The following P4HA3 variants were observed in gnomAD, a reference collection of about 807,000 sequenced individuals.
P4HA3 encodes the protein prolyl 4-hydroxylase subunit alpha-3.
In P4HA3, 60 loss-of-function variants were observed where a neutral mutation model predicts 66.7. The observed-to-expected ratio is 0.90, with a 90% confidence interval of 0.73 to 1.12. The LOEUF (loss-of-function observed/expected upper bound fraction) is 1.12. Ranked by LOEUF, P4HA3 falls within the 50% of genes most tolerant of loss-of-function variation. P4HA3 has a pLI of 0.00. For synonymous variants in P4HA3, 263 were observed against 274.6 expected, an observed-to-expected ratio of 0.96 and a Z score of 0.42; for missense variants, 683 against 685.8, an observed-to-expected ratio of 1.00 and a Z score of 0.05.
At chr11:74,273,688 T>C (rs1458866753) in intron 9 of P4HA3, 81 bp from the exon 10 acceptor site, 4 of 1,143,794 alleles carry the variant, frequency 3.5e-6, no homozygotes, top group East Asian at 2.8e-5. Flanking sequence ...TTAATACAAA[T>C]AGAAGTAAAA....
intron 3 of P4HA3, among the ~76,000 whole-genome samples, 170 bp from the exon 4 acceptor site, chr11:74,298,531 G>A (rs749641156): frequency 5.3e-5 from 8 of 152,176 alleles, no homozygotes; most frequent in Non-Finnish European, 7.3e-5. Context: ...ATTGTACTAC[G>A]TGGAGAGGAG....
chr11:74,304,214 C>G, intron 2 of P4HA3, 56 bp downstream of exon 2: 1 of 1,586,130 alleles, frequency 6.3e-7, no homozygotes. Context: ...CTCTCCTTAC[C>G]ACCGAGTCAG....
At chr11:74,255,132 C>T (rs1356864522) in intron 15 of P4HA3, among the ~76,000 whole-genome samples, 1 of 152,214 alleles carries the variant, frequency 6.6e-6, no homozygotes, top group Non-Finnish European at 1.5e-5. Context: ...CTGAATCCAC[C>T]TTCCCCCGGA....
intron 4 of P4HA3, among the ~76,000 whole-genome samples, chr11:74,289,347 A>C (rs1174198869): frequency 6.6e-6 from 1 of 152,166 alleles, no homozygotes; most frequent in African/African-American, 2.4e-5. Flanking sequence ...ATGACTTATG[A>C]CCACCCTTAC....
Position 74,269,643 on chromosome 11 carries a change from C to A in P4HA3, c.1467+9G>T. On this transcript the variant is annotated intron_variant, in intron 11 of 12. Coordinates refer to ENST00000331597, the MANE Select transcript of P4HA3 (RefSeq NM_182904.5). Reference sequence around the variant, plus strand: ...CAACCCCGTCTTCTGGGACCAGGGCCCCACTCACCCTAACCACAGGCACGC... The same window carrying A: ...CAACCCCGTCTTCTGGGACCAGGGCACCACTCACCCTAACCACAGGCACGC... 3 of 1,611,816 alleles carry A rather than the reference C, an allele frequency of 1.9e-6. No individual in the cohort carries two copies. The highest frequency in any genetic ancestry group is 2.5e-6 in the Non-Finnish European group (3 of 1,178,702).
chr11:74,301,759 G>A (rs1308669362), intron 3 of P4HA3, among the ~76,000 whole-genome samples: 3 of 152,246 alleles, frequency 2.0e-5, no homozygotes, highest in South Asian at 2.1e-4. Flanking sequence ...GATGGGGGGC[G>A]GGGGTGTTCC....
At chr11:74,294,999 C>T (rs1447487315) in intron 4 of P4HA3, among the ~76,000 whole-genome samples, 2 of 152,128 alleles carry the variant, frequency 1.3e-5, no homozygotes, top group East Asian at 3.9e-4. Flanking sequence ...AATCACCCGT[C>T]TTTTGTGTCA....
chr11:74,281,038 A>G (rs1042895108), intron 7 of P4HA3, among the ~76,000 whole-genome samples: 1 of 152,156 alleles, frequency 6.6e-6, no homozygotes, highest in African/African-American at 2.4e-5. Context: ...CAAGAAAAAA[A>G]CAACCCCATC....
At chr11:74,257,644 T>G (rs1312989626) in intron 15 of P4HA3, among the ~76,000 whole-genome samples, 1 of 152,072 alleles carries the variant, frequency 6.6e-6, no homozygotes, top group East Asian at 1.9e-4. Flanking sequence ...ATAAGGAGTT[T>G]CCAGAAGTTA....
At chr11:74,284,111 C>T (rs1407753191) in intron 7 of P4HA3, among the ~76,000 whole-genome samples, 2 of 152,268 alleles carry the variant, frequency 1.3e-5, no homozygotes, top group Non-Finnish European at 2.9e-5. Context: ...GGCACAATGT[C>T]TGGCTTGACA....
intron 5 of P4HA3, among the ~76,000 whole-genome samples, chr11:74,288,862 T>A (rs1287872178): frequency 6.9e-6 from 1 of 144,946 alleles, no homozygotes; most frequent in Non-Finnish European, 1.5e-5. Context: ...GGCAGGAGAA[T>A]CACTTGAACC....
At chr11:74,302,297 CA>C (rs1861431090) in intron 3 of P4HA3, 71 bp downstream of exon 3, 2 of 1,314,664 alleles carry the variant, frequency 1.5e-6, no homozygotes, top group Admixed American at 4.7e-5. Flanking sequence ...GAAGTAAAAT[CA>C]ATCGGTACAT....
intron 9 of P4HA3, among the ~76,000 whole-genome samples, chr11:74,273,891 G>A (rs1591094655): frequency 6.6e-6 from 1 of 152,026 alleles, no homozygotes. Flanking sequence ...TTGCACCTTT[G>A]AGTTCTCTGT....
At chr11:74,306,292 C>T (rs1037902025) in intron 1 of P4HA3, among the ~76,000 whole-genome samples, 2 of 152,144 alleles carry the variant, frequency 1.3e-5, no homozygotes, top group African/African-American at 4.8e-5. Context: ...CAGTTAATTT[C>T]CCTTCTCCAG....
chr11:74,253,634 C>G, intron 15 of P4HA3: 1 of 1,102,864 alleles, frequency 9.1e-7, no homozygotes, highest in South Asian at 1.3e-5. Context: ...TCCCGGTAGA[C>G]GGGCACCCCG....
At chr11:74,251,024 T>G (rs1417383376) in intron 15 of P4HA3, 2 of 1,589,748 alleles carry the variant, frequency 1.3e-6, no homozygotes, top group Non-Finnish European at 1.7e-6. Flanking sequence ...ACAAGGTGAG[T>G]CTGGTGCTCA....
rs1255336951 is a variant in P4HA3, at chr11:74,251,540, G to A, written c.*1319-3539C>T. ...AATTTCAAGCCACTCAGACCTGTGG[G>A]TGGGATGAGGGCACCGTAGAGCCTA... On this transcript the variant is annotated intron_variant and NMD_transcript_variant, in intron 15 of 15. Coordinates refer to the P4HA3 transcript ENST00000524388. The A allele has an allele frequency of 3.4e-5, 51 of 1,518,360 alleles. 2 individuals carry two copies. In the South Asian group the frequency reaches 5.1e-4, roughly 15 times the overall value. The allele number at this position is 1,518,360 out of a possible 1,614,324, so 94.1% of individuals were successfully genotyped here.
chr11:74,277,156 C>T lies in P4HA3; in HGVS notation c.1176-12G>A. ...CCTTCAGCCAGGCACTAAAACACAC[C>T]ACAGATTGAAGCATCAATGATCTGT... On this transcript the variant is annotated splice_polypyrimidine_tract_variant and intron_variant, in intron 8 of 12. Transcript: ENST00000331597. 6.2e-7 allele frequency: 1 copy of T among 1,605,040 alleles called. No homozygotes were observed. Among genetic ancestry groups the T allele is most frequent in the Non-Finnish European group, 8.5e-7 (1 of 1,174,560 alleles).
chr11:74,310,625 C>T (rs1462879256), intron 1 of P4HA3, among the ~76,000 whole-genome samples: 1 of 152,232 alleles, frequency 6.6e-6, no homozygotes, highest in Non-Finnish European at 1.5e-5. Context: ...CTCTTGATCA[C>T]CATTTTATCC....
Sources: allele counts gnomAD v4.1 joint callset (sites outside exome capture counted in the v4.1 genomes callset), GRCh38; gene constraint gnomAD v4.1.1; transcripts MANE v1.5; gene names NCBI Gene and HGNC (gene_info 2026-07-23, HGNC 2026-07-21).